RIPOR3: variants seen among roughly 807,000 people sequenced by gnomAD.
RIPOR3 encodes the protein family with sequence similarity 65 member C.
Under a neutral mutation model 114.3 loss-of-function variants are expected in RIPOR3, and 95 were observed. That is an observed-to-expected ratio of 0.83 (90% CI 0.70 to 0.99). The LOEUF is 0.99. Ranked by LOEUF, RIPOR3 falls within the 50% of genes least tolerant of loss-of-function variation. The pLI is 0.00. For missense variants in RIPOR3, 1,252 were observed against 1,266.9 expected (o/e 0.99, Z 0.18); for synonymous variants, 575 against 543.8 (o/e 1.06, Z -0.80).
intron 1 of RIPOR3, among the ~76,000 whole-genome samples, chr20:50,683,560 C>A (rs2086926968): frequency 1.3e-5 from 2 of 151,594 alleles, no homozygotes; most frequent in Admixed American, 1.3e-4. Flanking sequence ...TCAAGTGATT[C>A]TTGTGCCTCA....
At position 50,594,801 on chromosome 20, in the gene RIPOR3, AG is replaced by A; in HGVS notation, c.2051-88del. 3 of 1,463,990 alleles carry A rather than the reference AG, an allele frequency of 2.0e-6. No individual in the cohort carries two copies. In the South Asian group the frequency reaches 3.9e-5, roughly 19 times the overall value. 90.7% of individuals were successfully genotyped at this position (1,463,990 alleles called of 1,614,324 possible). On this transcript the variant is annotated intron_variant, in intron 16 of 21. Transcript: ENST00000327979. ...AAAGGTTTCCCTCCACTAGGACCTG[AG>A]GGGGTAGGGAGGAGGGGACGGTGTG...
At chr20:50,596,535 C>G (rs1186866954) in intron 14 of RIPOR3, among the ~76,000 whole-genome samples, 1 of 152,198 alleles carries the variant, frequency 6.6e-6, no homozygotes, top group Admixed American at 6.5e-5. Context: ...CTCATCCCAG[C>G]TCTGTGACGC....
At chr20:50,638,785 C>T (rs894726655) in intron 1 of RIPOR3, among the ~76,000 whole-genome samples, 3 of 152,098 alleles carry the variant, frequency 2.0e-5, no homozygotes, top group African/African-American at 7.2e-5. Context: ...ACGTGCCTCA[C>T]CCTGGTCTCC....
intron 6 of RIPOR3, 141 bp from the exon 7 acceptor site, chr20:50,609,863 G>T: frequency 9.9e-7 from 1 of 1,012,076 alleles, no homozygotes; most frequent in Non-Finnish European, 1.4e-6. Flanking sequence ...GTCACTACCT[G>T]TCCAGTCCCA....
intron 1 of RIPOR3, among the ~76,000 whole-genome samples, chr20:50,634,143 A>AAT (rs2084910168): frequency 6.6e-6 from 1 of 151,236 alleles, no homozygotes; most frequent in African/African-American, 2.4e-5. Flanking sequence ...CACCATTCCC[A>AAT]GCTAATTTTT....
At chr20:50,617,035 G>A (rs558766160) in intron 3 of RIPOR3, among the ~76,000 whole-genome samples, 1 of 152,130 alleles carries the variant, frequency 6.6e-6, no homozygotes, top group Non-Finnish European at 1.5e-5. Flanking sequence ...CCAGCTACTC[G>A]GGAGGCTGAA....
chr20:50,657,971 C>G (rs55654653), intron 1 of RIPOR3, among the ~76,000 whole-genome samples: 17,690 of 151,718 alleles, frequency 0.12, 1,170 homozygotes, highest in East Asian at 0.2. Context: ...CGGTATATTG[C>G]CCAGGCTGGT....
rs140830420 is a variant in RIPOR3 at position 50,630,571 on chromosome 20, A to ATCTCTC, written c.122+161_122+166dup. Among the ~76,000 whole-genome samples the ATCTCTC allele has an allele frequency of 5.7e-3, 762 of 133,126 alleles. 2 individuals are homozygous for ATCTCTC. The highest frequency in any genetic ancestry group is 8.7e-3 in the Middle Eastern group (2 of 230). 87.3% of individuals were successfully genotyped at this position (133,126 alleles called of 152,430 possible). On this transcript the variant is annotated intron_variant, in intron 2 of 21. Coordinates refer to ENST00000327979, the MANE Select transcript of RIPOR3 (RefSeq NM_001290268.2). ...TCTCTCTGTCTCTCTCTCAATCTCA[A>ATCTCTC]TCTCTCTCTCTCTCTCTCTCTCTCT... is the stretch of plus-strand genomic sequence containing the variant.
chr20:50,587,411 G>A, intron 21 of RIPOR3, 79 bp from the exon 22 acceptor site: 2 of 1,228,386 alleles, frequency 1.6e-6, no homozygotes, highest in Non-Finnish European at 2.4e-6. Context: ...GGTGGCCCTA[G>A]TGCTTAGTGA....
At chr20:50,629,920 T>C (rs542306659) in intron 2 of RIPOR3, among the ~76,000 whole-genome samples, 7 of 152,312 alleles carry the variant, frequency 4.6e-5, no homozygotes, top group African/African-American at 1.4e-4. Flanking sequence ...CTTGGGCCAG[T>C]GGCTCCACCT....
intron 1 of RIPOR3, among the ~76,000 whole-genome samples, chr20:50,654,489 G>A (rs1359916784): frequency 7.4e-6 from 1 of 135,846 alleles, no homozygotes; most frequent in Non-Finnish European, 1.5e-5. Context: ...GGAGTGCAGT[G>A]GCGCAATCTC....
chr20:50,615,796 G>C (rs909145092), intron 4 of RIPOR3, among the ~76,000 whole-genome samples: 14 of 147,328 alleles, frequency 9.5e-5, no homozygotes, highest in Non-Finnish European at 1.6e-4. Flanking sequence ...CTAGAACCGA[G>C]AGACAGTGTG....
intron 1 of RIPOR3, among the ~76,000 whole-genome samples, chr20:50,681,224 CA>C (rs752151661): frequency 0.018 from 852 of 47,796 alleles, 16 homozygotes; most frequent in Non-Finnish European, 0.023. Flanking sequence ...AACTCTGTCT[CA>C]AAAAAAAAAA....
intron 1 of RIPOR3, among the ~76,000 whole-genome samples, chr20:50,663,388 G>A (rs1037108793): frequency 6.6e-5 from 10 of 152,214 alleles, no homozygotes; most frequent in Non-Finnish European, 1.3e-4. Flanking sequence ...AGCCCGTGGA[G>A]TATGGCACAG....
At chr20:50,639,850 G>A (rs1358818460) in intron 1 of RIPOR3, among the ~76,000 whole-genome samples, 2 of 152,030 alleles carry the variant, frequency 1.3e-5, no homozygotes, top group East Asian at 3.9e-4. Context: ...TTATGGGAGG[G>A]TCCCTGGACC....
At chr20:50,620,291 A>G (rs990404471) in intron 2 of RIPOR3, among the ~76,000 whole-genome samples, 159 bp from the exon 3 acceptor site, 4 of 152,218 alleles carry the variant, frequency 2.6e-5, no homozygotes, top group African/African-American at 9.6e-5. Context: ...GTTTCCAGAA[A>G]GTTATGGAGC....
In RIPOR3 at chr20:50,620,083, A is replaced by G; in HGVS notation, c.172T>C (p.Ser58Pro). The stretch of plus-strand genomic sequence containing the variant: ...TTCCGCAGCGTGCCGTACATCTTGG[A>G]GGATTTTGCAGGCATTCGCGATCTC... Reference protein sequence around the residue: ...SVRSRMPAKSSKMYGTLRKGS... With the variant: ...SVRSRMPAKSPKMYGTLRKGS... Residue 58 changes from serine (S) to proline (P), a missense_variant, in exon 3 of 22, where the codon TCC (serine) becomes CCC (proline). Transcript: ENST00000327979. 5 of 1,614,164 alleles carry G rather than the reference A, an allele frequency of 3.1e-6. No individual in the cohort carries two copies. The highest frequency in any genetic ancestry group is 3.4e-6 in the Non-Finnish European group (4 of 1,180,024).
In RIPOR3 at chr20:50,592,401, G is replaced by A. The variant is rs1568816044; in HGVS notation, c.2520C>T (p.Cys840=). 6.2e-7 allele frequency: 1 copy of A among 1,610,318 alleles called. No homozygotes were observed. Among genetic ancestry groups the A allele is most frequent in the Non-Finnish European group, 8.5e-7 (1 of 1,177,604 alleles). The change falls in exon 19 of 22, where the codon TGC becomes TGT. Residue 840 remains cysteine, a synonymous_variant. Coordinates refer to ENST00000327979, the MANE Select transcript of RIPOR3 (RefSeq NM_001290268.2). ...LLQLDGTPRV[C]RAASARLAGA... is the part of the protein sequence containing the mutation. ...CAGCCAGGCGAGCGCTGGCCGCCCT[G>A]CACACCCTCGGAGTGCCGTCCAGCT...
intron 19 of RIPOR3, among the ~76,000 whole-genome samples, chr20:50,591,247 T>C (rs1039112606): frequency 1.3e-5 from 2 of 152,218 alleles, no homozygotes; most frequent in Non-Finnish European, 2.9e-5. Flanking sequence ...ATATATGATA[T>C]AAAGGAATTG....
Sources: gnomAD v4.1 joint callset for allele counts (sites outside exome capture counted in the v4.1 genomes callset) on GRCh38, gnomAD v4.1.1 for gene constraint, MANE v1.5 for transcripts, NCBI Gene and HGNC (gene_info 2026-07-23, HGNC 2026-07-21) for gene names.